The following P2RX3 variants were observed in gnomAD, a reference collection of about 807,000 sequenced individuals.
P2RX3 encodes P2X purinoceptor 3.
Under a neutral mutation model 51.5 loss-of-function variants are expected in P2RX3, and 41 were observed. The ratio of observed to expected loss-of-function variants is 0.80; its 90% confidence interval spans 0.62 to 1.03. The LOEUF (loss-of-function observed/expected upper bound fraction) is 1.03, where lower values mean the gene tolerates loss of function less well. Ranked by LOEUF, P2RX3 falls within the 50% of genes least tolerant of loss-of-function variation. The pLI, the probability that P2RX3 is intolerant of heterozygous loss-of-function variation, is 0.00. For missense variants in P2RX3, 459 were observed against 522.1 expected, an observed-to-expected ratio of 0.88 and a Z score of 1.18; for synonymous variants, 185 against 191.6, an observed-to-expected ratio of 0.97 and a Z score of 0.29.
intron 1 of P2RX3, among the ~76,000 whole-genome samples, chr11:57,346,210 G>A (rs1456350770): frequency 6.6e-6 from 1 of 152,202 alleles, no homozygotes; most frequent in Non-Finnish European, 1.5e-5. Context: ...CCAAGGAGGT[G>A]AAAATTGGTT....
In P2RX3 at chr11:57,370,199, A is replaced by T; in HGVS notation, c.*202A>T. ...CTGCTGAGACCCCAATCTCACCTTC[A>T]CTCCTTGCCTGGCCCCATCTGCTTC... is the stretch of plus-strand genomic sequence containing the variant. On this transcript the variant is annotated 3_prime_UTR_variant, in exon 12 of 12. Coordinates refer to ENST00000263314, the MANE Select transcript of P2RX3 (RefSeq NM_002559.5). The T allele has an allele frequency of 1.8e-6, 1 of 543,828 alleles. No homozygotes were observed. The highest frequency in any genetic ancestry group is 3.3e-6 in the Non-Finnish European group (1 of 305,382). 33.7% of individuals were successfully genotyped at this position (543,828 alleles called of 1,614,324 possible).
chr11:57,359,849 C>T, intron 8 of P2RX3, among the ~76,000 whole-genome samples: 1 of 152,220 alleles, frequency 6.6e-6, no homozygotes, highest in East Asian at 1.9e-4. Context: ...TAAAATCAGG[C>T]ATGTTGCCTG....
rs774927176 is a variant in P2RX3 at position 57,338,687 on chromosome 11, C to CA, written c.119+19dup. 2.4e-5 allele frequency: 37 copies of CA among 1,547,476 alleles called. No individual in the cohort carries two copies. The highest frequency in any genetic ancestry group is 3.7e-4 in the Middle Eastern group (2 of 5,422). Reference sequence around the variant, plus strand: ...TTTGTAGGGTGAGTCTGTGGCCTTTCAGGTTCCTGGCGGGGTGGGCTGCCT... The same window carrying CA: ...TTTGTAGGGTGAGTCTGTGGCCTTTCAAGGTTCCTGGCGGGGTGGGCTGCCT... On this transcript the variant is annotated intron_variant, in intron 1 of 11. Coordinates refer to ENST00000263314, the MANE Select transcript of P2RX3 (RefSeq NM_002559.5).
chr11:57,350,677 C>T, intron 7 of P2RX3, 85 bp from the exon 8 acceptor site: 2 of 1,549,334 alleles, frequency 1.3e-6, no homozygotes, highest in Non-Finnish European at 1.8e-6. Context: ...AATCATTTGT[C>T]ACCACCTCCA....
At chr11:57,349,669 A>T in intron 6 of P2RX3, 88 bp from the exon 7 acceptor site, 9 of 1,537,924 alleles carry the variant, frequency 5.9e-6, no homozygotes, top group Non-Finnish European at 8.0e-6. Context: ...GATCCCCCCT[A>T]GGCCTGGGCT....
At chr11:57,361,105 G>A (rs1271390050) in intron 8 of P2RX3, among the ~76,000 whole-genome samples, 1 of 152,186 alleles carries the variant, frequency 6.6e-6, no homozygotes, top group Non-Finnish European at 1.5e-5. Flanking sequence ...TGTGGACCCA[G>A]CTGCTGCCAC....
At chr11:57,358,295 T>C (rs929562737) in intron 8 of P2RX3, among the ~76,000 whole-genome samples, 1 of 152,136 alleles carries the variant, frequency 6.6e-6, no homozygotes, top group Admixed American at 6.5e-5. Flanking sequence ...GTAGATAATG[T>C]AGGGAGAACT....
chr11:57,361,114 A>G (rs1380601806), intron 8 of P2RX3, among the ~76,000 whole-genome samples: 1 of 152,136 alleles, frequency 6.6e-6, no homozygotes, highest in Non-Finnish European at 1.5e-5. Context: ...AGCTGCTGCC[A>G]CTTCCATCTG....
At chr11:57,368,832 G>A (rs920100965) in intron 10 of P2RX3, among the ~76,000 whole-genome samples, 102 of 152,216 alleles carry the variant, frequency 6.7e-4, no homozygotes, top group African/African-American at 2.3e-3. Flanking sequence ...TCCACCCCAC[G>A]CAGTCCTCTC....
intron 11 of P2RX3, among the ~76,000 whole-genome samples, 184 bp downstream of exon 11, chr11:57,369,622 G>A (rs1233870632): frequency 1.3e-5 from 2 of 152,110 alleles, no homozygotes; most frequent in Non-Finnish European, 2.9e-5. Flanking sequence ...AATCTTGGGG[G>A]TTCTGTGGGT....
Position 57,347,475 on chromosome 11 carries a change from G to C in P2RX3, c.388G>C (p.Gly130Arg), listed in dbSNP as rs1383609868. The C allele has an allele frequency of 3.3e-5, 51 of 1,555,678 alleles. No homozygotes were observed. The highest frequency in any genetic ancestry group is 4.1e-5 in the Non-Finnish European group (47 of 1,149,428). Residue 130 changes from glycine to arginine, a missense_variant, in exon 4 of 12, where the codon GGG becomes CGG. Physicochemically the swap from Gly to Arg is moderately radical, Grantham distance 125. Coordinates refer to ENST00000263314, the MANE Select transcript of P2RX3 (RefSeq NM_002559.5). ...GTGCGGGCCTGAGCGCTTGCCAGGT[G>C]GGGGTGAGTCCAGCCCCTTACCCAC... ...SQCGPERLPG[G>R]GILTGRCVNY...
At chr11:57,350,651 C>T in intron 7 of P2RX3, 111 bp from the exon 8 acceptor site, 18 of 1,450,224 alleles carry the variant, frequency 1.2e-5, no homozygotes, top group Non-Finnish European at 1.7e-5. Context: ...CGTCTCCCAC[C>T]TGGAGGATGG....
intron 7 of P2RX3, 151 bp downstream of exon 7, chr11:57,350,049 T>C: frequency 1.6e-6 from 2 of 1,270,408 alleles, no homozygotes; most frequent in Non-Finnish European, 1.1e-6. Context: ...GCTTTGTGCC[T>C]GAATCCTTTC....
In P2RX3 at chr11:57,340,125, G is replaced by A. The variant is rs118141879; in HGVS notation, c.119+1456G>A. 4.0e-3 allele frequency among the ~76,000 whole-genome samples: 612 copies of A among 152,324 alleles called. 6 individuals carry two copies. Among genetic ancestry groups the A allele is most frequent in the South Asian group, 0.012 (56 of 4,830 alleles). On this transcript the variant is annotated intron_variant, in intron 1 of 11. Transcript: ENST00000263314. ...TGGTTCCTAAATGTTCTGTGTTCACGTGTATATTCAATGCTGTGGTTGTTT... is the reference window on the plus strand; with the variant it reads ...TGGTTCCTAAATGTTCTGTGTTCACATGTATATTCAATGCTGTGGTTGTTT...
chr11:57,337,749 T>C (rs1031492848), upstream of P2RX3, among the ~76,000 whole-genome samples: 1 of 152,164 alleles, frequency 6.6e-6, no homozygotes, highest in Non-Finnish European at 1.5e-5. Flanking sequence ...AGTTAACGGG[T>C]GCAACACACC....
intron 8 of P2RX3, among the ~76,000 whole-genome samples, chr11:57,364,838 G>A (rs950928353): frequency 7.2e-5 from 11 of 151,946 alleles, no homozygotes; most frequent in Non-Finnish European, 1.6e-4. Flanking sequence ...GCCCTCTTCC[G>A]GATAAGTGGT....
chr11:57,362,692 G>A (rs1205324565), intron 8 of P2RX3, among the ~76,000 whole-genome samples: 1 of 152,218 alleles, frequency 6.6e-6, no homozygotes, highest in African/African-American at 2.4e-5. Flanking sequence ...TCGAATCCCA[G>A]CTTCACTCAC....
At chr11:57,349,661 TC>T in intron 6 of P2RX3, 95 bp from the exon 7 acceptor site, 5 of 1,483,818 alleles carry the variant, frequency 3.4e-6, no homozygotes, top group East Asian at 2.3e-5. Context: ...AGGGCTCAGA[TC>T]CCCCCTAGGC....
In P2RX3 at chr11:57,338,581, G is replaced by C. The variant is rs1298983880; in HGVS notation, c.31G>C (p.Glu11Gln). ...CTGCATATCCGACTTCTTCACCTAT[G>C]AGACCACCAAGTCGGTGGTTGTGAA... The part of the protein sequence containing the change: MNCISDFFTY[E>Q]TTKSVVVKSW... Residue 11 changes from glutamate (E) to glutamine (Q), a missense_variant, in exon 1 of 12, where the codon GAG (glutamate) becomes CAG (glutamine). By Grantham distance (29) the Glu-to-Gln change is conservative. Coordinates refer to ENST00000263314, the MANE Select transcript of P2RX3 (RefSeq NM_002559.5). 3.1e-6 allele frequency: 5 copies of C among 1,594,416 alleles called. No homozygotes were observed. Among genetic ancestry groups the C allele is most frequent in the African/African-American group, 1.3e-5 (1 of 74,796 alleles).
Sources: gnomAD v4.1 joint callset for allele counts (sites outside exome capture counted in the v4.1 genomes callset) on GRCh38, gnomAD v4.1.1 for gene constraint, MANE v1.5 for transcripts, NCBI Gene and HGNC (gene_info 2026-07-23, HGNC 2026-07-21) for gene names.